HOMER2: variants seen among roughly 807,000 people sequenced by gnomAD.
HOMER2 encodes homer scaffold protein 2.
A neutral mutation model predicts 47.0 loss-of-function variants in HOMER2; 27 were observed. That is an observed-to-expected ratio of 0.57 (90% CI 0.42 to 0.79). HOMER2 has a LOEUF of 0.79. Ranked by LOEUF, HOMER2 falls within the 30% of genes least tolerant of loss-of-function variation. The pLI is 0.00. For missense variants in HOMER2, 443 were observed against 435.0 expected (o/e 1.02, Z -0.16); for synonymous variants, 161 against 163.8 (o/e 0.98, Z 0.13).
chr15:82,839,208 C>G (rs369895102), exon 2 of HOMER2: 4 of 152,338 alleles, frequency 2.6e-5, no homozygotes, highest in South Asian at 4.1e-4. Flanking sequence ...AGGCTAGTCC[C>G]CACAGAAGAA....
intron 3 of HOMER2, among the ~76,000 whole-genome samples, chr15:82,870,718 A>G (rs767741155): frequency 6.6e-6 from 1 of 152,228 alleles, no homozygotes; most frequent in Non-Finnish European, 1.5e-5. Context: ...AGATAAAACA[A>G]TGTTCTTACG....
chr15:82,980,523 G>A (rs1350880309), intron 1 of HOMER2, among the ~76,000 whole-genome samples: 1 of 152,134 alleles, frequency 6.6e-6, no homozygotes, highest in African/African-American at 2.4e-5. Context: ...GGCTCTGCGT[G>A]GCGTGTTGTG....
At chr15:82,965,321 T>C (rs778752497) in intron 1 of HOMER2, among the ~76,000 whole-genome samples, 1 of 152,192 alleles carries the variant, frequency 6.6e-6, no homozygotes, top group African/African-American at 2.4e-5. Flanking sequence ...GCCCAGCCTA[T>C]ATTTTCTAAA....
intron 1 of HOMER2, among the ~76,000 whole-genome samples, chr15:82,980,701 G>A (rs2030362552): frequency 6.6e-6 from 1 of 152,228 alleles, no homozygotes; most frequent in African/African-American, 2.4e-5. Context: ...GAAACAAAGT[G>A]AGAAGGTTTA....
chr15:82,939,615 A>C lies in HOMER2; in HGVS notation c.5+12916T>G, dbSNP rs2054218263. On this transcript the variant is annotated intron_variant, in intron 1 of 8. Transcript: ENST00000450735. The stretch of plus-strand genomic sequence containing the variant: ...AACCTGGGAGGCAGAGGTTTCAGTG[A>C]GCCGAGACTGCACCACTGCACTGCA... Among the ~76,000 whole-genome samples the C allele has an allele frequency of 3.3e-5, 5 of 152,328 alleles. No homozygotes were observed. In the South Asian group the frequency reaches 1.0e-3, roughly 32 times the overall value.
chr15:82,905,656 G>A (rs996750410), intron 1 of HOMER2, among the ~76,000 whole-genome samples: 1 of 152,158 alleles, frequency 6.6e-6, no homozygotes, highest in African/African-American at 2.4e-5. Flanking sequence ...GAGAAGAATG[G>A]AGTAAAATAT....
Position 82,866,076 on chromosome 15 carries a change from G to A in HOMER2, c.295-1817C>T, listed in dbSNP as rs75720079. On this transcript the variant is annotated intron_variant, in intron 3 of 8. Coordinates refer to ENST00000450735, the MANE Select transcript of HOMER2 (RefSeq NM_004839.4). ...AGTAGATCAACTGACAGTTTGCACC[G>A]TGTGCCTGGGTAAAGCCACAGACAT... Among the ~76,000 whole-genome samples, 421 of 152,276 alleles carry A rather than the reference G, an allele frequency of 2.8e-3. 2 individuals are homozygous for A. Among genetic ancestry groups the A allele is most frequent in the African/African-American group, 9.7e-3 (402 of 41,542 alleles).
rs2051313472 is a variant in HOMER2, at chr15:82,849,378, T to C, written c.*337A>G. On this transcript the variant is annotated 3_prime_UTR_variant, in exon 9 of 9. Transcript: ENST00000450735. ...GGCTTGGTGTAAAGAATATCAATATTTGGATTACAAAATGCGTGTTTTTTC... is the reference window on the plus strand; with the variant it reads ...GGCTTGGTGTAAAGAATATCAATATCTGGATTACAAAATGCGTGTTTTTTC... 4.1e-6 allele frequency: 1 copy of C among 243,990 alleles called. No individual in the cohort carries two copies. The highest frequency in any genetic ancestry group is 1.0e-4 in the South Asian group (1 of 9,700). The allele number at this position is 243,990 out of a possible 1,614,324, so 15.1% of individuals were successfully genotyped here. A position where few individuals can be genotyped will look rare whatever the true frequency, so the allele number is the denominator to read the frequency against.
At chr15:82,897,231 AATTTTTGT>A (rs1279083443) in intron 1 of HOMER2, among the ~76,000 whole-genome samples, 2 of 151,726 alleles carry the variant, frequency 1.3e-5, no homozygotes, top group Non-Finnish European at 2.9e-5. Context: ...ACGCCCAGCT[AATTTTTGT>A]ATTTTTAGTA....
intron 1 of HOMER2, among the ~76,000 whole-genome samples, chr15:82,942,008 T>G (rs1341588945): frequency 6.6e-6 from 1 of 152,170 alleles, no homozygotes; most frequent in Non-Finnish European, 1.5e-5. Flanking sequence ...ACCCGCATAC[T>G]TCACTACTTC....
intron 1 of HOMER2, among the ~76,000 whole-genome samples, chr15:82,971,411 T>C (rs888570597): frequency 6.7e-6 from 1 of 149,302 alleles, no homozygotes; most frequent in African/African-American, 2.5e-5. Context: ...GAGAGACAGA[T>C]ACATACACAC....
intron 1 of HOMER2, among the ~76,000 whole-genome samples, chr15:82,919,607 G>A (rs2053677005): frequency 6.6e-6 from 1 of 152,172 alleles, no homozygotes; most frequent in East Asian, 1.9e-4. Flanking sequence ...AAATTAATTG[G>A]AACGTCCAGT....
chr15:82,924,417 C>T (rs2151180371), intron 1 of HOMER2, among the ~76,000 whole-genome samples: 1 of 148,278 alleles, frequency 6.7e-6, no homozygotes, highest in Admixed American at 6.8e-5. Context: ...TGTTCCCATG[C>T]ACCAGGGACA....
chr15:82,959,412 T>C (rs970201258), intron 1 of HOMER2: 1 of 152,080 alleles, frequency 6.6e-6, no homozygotes, highest in Admixed American at 6.6e-5. Flanking sequence ...ATGCACAGAG[T>C]GGCTGTTGGA....
intron 1 of HOMER2, among the ~76,000 whole-genome samples, chr15:82,951,145 C>A (rs1414355131): frequency 1.3e-5 from 2 of 152,160 alleles, no homozygotes; most frequent in Non-Finnish European, 2.9e-5. Context: ...ATACGGCCTG[C>A]CAACTTGGGT....
At chr15:82,923,842 T>C (rs1466115261) in intron 1 of HOMER2, among the ~76,000 whole-genome samples, 1 of 152,170 alleles carries the variant, frequency 6.6e-6, no homozygotes, top group African/African-American at 2.4e-5. Flanking sequence ...CAGTCGGTTG[T>C]ACAAGTGACC....
downstream of HOMER2, among the ~76,000 whole-genome samples, chr15:82,848,405 A>G (rs1305185898): frequency 6.6e-6 from 1 of 152,170 alleles, no homozygotes; most frequent in Non-Finnish European, 1.5e-5. Context: ...CAGGGATTCA[A>G]GCCATTATTG....
downstream of HOMER2, chr15:82,844,853 A>G (rs2051217568): frequency 6.6e-6 from 1 of 152,238 alleles, no homozygotes; most frequent in East Asian, 1.9e-4. Context: ...ACTTCCTATT[A>G]AAAGCAGTAC....
chr15:82,890,032 C>A (rs1021439564), intron 2 of HOMER2, among the ~76,000 whole-genome samples: 2 of 152,168 alleles, frequency 1.3e-5, no homozygotes, highest in Non-Finnish European at 2.9e-5. Context: ...ATCTCTGGTG[C>A]CACAGCACTA....
Sources: allele counts gnomAD v4.1 joint callset (sites outside exome capture counted in the v4.1 genomes callset), GRCh38; gene constraint gnomAD v4.1.1; transcripts MANE v1.5; gene names NCBI Gene and HGNC (gene_info 2026-07-23, HGNC 2026-07-21).